GREM2: variants seen among roughly 807,000 people sequenced by gnomAD.
GREM2 encodes the protein gremlin 2, DAN family BMP antagonist.
In GREM2, 11 loss-of-function variants were observed where a neutral mutation model predicts 14.2. That is an observed-to-expected ratio of 0.78 (90% CI 0.49 to 1.28). The LOEUF is 1.28. GREM2 is among the 50% of genes most tolerant of loss of function. The pLI is 0.00. For missense variants in GREM2, 210 were observed against 218.5 expected (o/e 0.96, Z 0.24); for synonymous variants, 98 against 97.6 (o/e 1.00, Z -0.02).
At chr1:240,579,155 C>T (rs910502468) in intron 1 of GREM2, among the ~76,000 whole-genome samples, 2 of 152,190 alleles carry the variant, frequency 1.3e-5, no homozygotes, top group Non-Finnish European at 2.9e-5. Context: ...ATTCCATACC[C>T]GTTCTCCCTG....
intron 1 of GREM2, among the ~76,000 whole-genome samples, chr1:240,535,592 G>C (rs545778601): frequency 4.9e-4 from 74 of 152,198 alleles, no homozygotes; most frequent in Middle Eastern, 3.4e-3. Flanking sequence ...TTGAGGTCAG[G>C]AGTTTGAGAC....
chr1:240,520,670 G>A (rs1340001645), intron 1 of GREM2, among the ~76,000 whole-genome samples: 3 of 151,890 alleles, frequency 2.0e-5, no homozygotes, highest in Non-Finnish European at 4.4e-5. Context: ...AGCCTCCCAA[G>A]TAGCTGGGAC....
At chr1:240,515,175 G>A (rs552821810) in intron 1 of GREM2, among the ~76,000 whole-genome samples, 35 of 152,120 alleles carry the variant, frequency 2.3e-4, no homozygotes, top group Non-Finnish European at 4.9e-4. Context: ...AAGGGTTGTG[G>A]GTGATTTCAG....
intron 1 of GREM2, among the ~76,000 whole-genome samples, chr1:240,526,932 GTTATC>G (rs1451581250): frequency 6.6e-6 from 1 of 152,188 alleles, no homozygotes; most frequent in African/African-American, 2.4e-5. Flanking sequence ...GATGGGGTCA[GTTATC>G]TTGTTACCTT....
intron 1 of GREM2, among the ~76,000 whole-genome samples, chr1:240,604,252 C>T (rs1195452598): frequency 6.6e-6 from 1 of 151,570 alleles, no homozygotes; most frequent in East Asian, 2.0e-4. Flanking sequence ...CACATTTCAA[C>T]ATGTGATGTG....
intron 1 of GREM2, among the ~76,000 whole-genome samples, chr1:240,500,668 G>T (rs556381002): frequency 6.6e-6 from 1 of 152,232 alleles, no homozygotes; most frequent in Admixed American, 6.5e-5. Context: ...ATATGTGTTT[G>T]GGATTTTATG....
At chr1:240,511,370 A>G (rs531251228) in intron 1 of GREM2, among the ~76,000 whole-genome samples, 48 of 152,394 alleles carry the variant, frequency 3.1e-4, no homozygotes, top group Middle Eastern at 6.8e-3. Flanking sequence ...ATTAGCTATT[A>G]TAAGTAATCT....
intron 1 of GREM2, among the ~76,000 whole-genome samples, chr1:240,579,814 G>C (rs1018368307): frequency 1.3e-5 from 2 of 152,180 alleles, no homozygotes; most frequent in Admixed American, 1.3e-4. Context: ...GGGCATTTCT[G>C]GGGGAGAGAA....
At position 240,492,977 on chromosome 1, in the gene GREM2, T is replaced by C. The variant is rs1305399848; in HGVS notation, c.499A>G (p.Lys167Glu). 2 of 1,540,598 alleles carry C rather than the reference T, an allele frequency of 1.3e-6. No homozygotes were observed. Among genetic ancestry groups the C allele is most frequent in the African/African-American group, 1.4e-5 (1 of 73,310 alleles). Residue 167 changes from lysine (K) to glutamate (E), a missense_variant, in exon 2 of 2, where the codon AAG becomes GAG. By Grantham distance (56) the Lys-to-Glu change is moderately conservative. Transcript: ENST00000318160. ...TGCGTCCGGCCCGGCGCTCACTGCT[T>C]GTCCGAGTCGCTCAGGTTCACGGAC... ...CMSVNLSDSD[K>E]Q
chr1:240,536,488 T>G (rs755941715), intron 1 of GREM2, among the ~76,000 whole-genome samples: 15 of 152,198 alleles, frequency 9.9e-5, no homozygotes, highest in Non-Finnish European at 1.6e-4. Flanking sequence ...ACCTGGGCAA[T>G]TTGATTTTCT....
intron 1 of GREM2, among the ~76,000 whole-genome samples, chr1:240,502,976 GAA>G (rs1361112201): frequency 2.0e-5 from 3 of 152,170 alleles, no homozygotes; most frequent in African/African-American, 7.2e-5. Flanking sequence ...ATTCCCTGAT[GAA>G]AAGAGACATG....
intron 1 of GREM2, among the ~76,000 whole-genome samples, chr1:240,611,076 A>AT (rs979055622): frequency 2.7e-5 from 4 of 149,526 alleles, no homozygotes; most frequent in East Asian, 1.9e-4. Flanking sequence ...CCTCAAAATA[A>AT]AAAAAAAAAA....
rs1324265054 is a variant in GREM2, at chr1:240,490,578, A to G, written c.*2391T>C. 6.6e-6 allele frequency: 1 copy of G among 152,608 alleles called. No homozygotes were observed. The highest frequency in any genetic ancestry group is 6.5e-5 in the Admixed American group (1 of 15,286). The allele number at this position is 152,608 out of a possible 1,614,324, so 9.5% of individuals were successfully genotyped here. Reference sequence around the variant, plus strand: ...TACATTATACTTATAGCTTTTCTTCATTTATAAACAAAACAAAAAAATTAA... The same window carrying G: ...TACATTATACTTATAGCTTTTCTTCGTTTATAAACAAAACAAAAAAATTAA... On this transcript the variant is annotated 3_prime_UTR_variant, in exon 2 of 2. Coordinates refer to ENST00000318160, the MANE Select transcript of GREM2 (RefSeq NM_022469.4).
At chr1:240,541,464 T>C (rs1199380253) in intron 1 of GREM2, among the ~76,000 whole-genome samples, 1 of 152,252 alleles carries the variant, frequency 6.6e-6, no homozygotes, top group Non-Finnish European at 1.5e-5. Context: ...TTCTCTTCTG[T>C]TAACTACGTT....
At chr1:240,570,100 G>A (rs148655427) in intron 1 of GREM2, among the ~76,000 whole-genome samples, 64 of 152,234 alleles carry the variant, frequency 4.2e-4, no homozygotes, top group Non-Finnish European at 8.2e-4. Context: ...ACACTTATTC[G>A]ATTTTCATAG....
At chr1:240,569,393 A>C (rs1679219961) in intron 1 of GREM2, among the ~76,000 whole-genome samples, 1 of 152,232 alleles carries the variant, frequency 6.6e-6, no homozygotes, top group Admixed American at 6.5e-5. Context: ...GCCAAAAACT[A>C]TTTTGAAAAA....
chr1:240,500,135 A>T (rs1287933345), intron 1 of GREM2, among the ~76,000 whole-genome samples: 1 of 152,172 alleles, frequency 6.6e-6, no homozygotes, highest in Non-Finnish European at 1.5e-5. Context: ...TTTATTTTGC[A>T]ATCTTTCAGT....
chr1:240,501,442 G>T (rs535929002), intron 1 of GREM2, among the ~76,000 whole-genome samples: 1 of 152,326 alleles, frequency 6.6e-6, no homozygotes, highest in South Asian at 2.1e-4. Context: ...GAGAAGAAAT[G>T]ATACTATCAT....
At position 240,536,449 on chromosome 1, in the gene GREM2, A is replaced by T. The variant is rs77388984; in HGVS notation, c.-1-42973T>A. Among the ~76,000 whole-genome samples the T allele has an allele frequency of 8.2e-3, 1,254 of 152,358 alleles. 18 individuals are homozygous for T. Among genetic ancestry groups the T allele is most frequent in the African/African-American group, 0.028 (1,145 of 41,586 alleles). On this transcript the variant is annotated intron_variant, in intron 1 of 1. Coordinates refer to ENST00000318160, the MANE Select transcript of GREM2 (RefSeq NM_022469.4). ...TGCAGGGATGGAAGGGTAAATTGGTATGAAGAGGGATAAGCAGTTGCTATT... is the reference window on the plus strand; with the variant it reads ...TGCAGGGATGGAAGGGTAAATTGGTTTGAAGAGGGATAAGCAGTTGCTATT...
Sources: gnomAD v4.1 joint callset for allele counts (sites outside exome capture counted in the v4.1 genomes callset) on GRCh38, gnomAD v4.1.1 for gene constraint, MANE v1.5 for transcripts, NCBI Gene and HGNC (gene_info 2026-07-23, HGNC 2026-07-21) for gene names.